CRACD: variants seen among roughly 807,000 people sequenced by gnomAD.
CRACD encodes the protein capping protein-inhibiting regulator of actin dynamics.
CRACD carries 56 observed loss-of-function variants against 106.8 expected under a neutral mutation model. The observed-to-expected ratio is 0.52, with a 90% CI of 0.42 to 0.66. CRACD has a LOEUF of 0.66. Among genes scored for constraint, CRACD ranks in the 30% least tolerant of loss-of-function variants. The pLI is 0.00. For synonymous variants in CRACD, 754 were observed against 670.8 expected (o/e 1.12, Z -1.92); for missense variants, 1,730 against 1,623.2 (o/e 1.07, Z -1.13).
intron 1 of CRACD, among the ~76,000 whole-genome samples, chr4:56,082,334 A>G (rs77101873): frequency 0.017 from 2,603 of 152,266 alleles, 72 homozygotes; most frequent in African/African-American, 0.06. Flanking sequence ...TGAGGACCAG[A>G]TTGTATAGGA....
In CRACD at chr4:56,112,405, C is replaced by T. The variant is rs1157493183; in HGVS notation, c.-336+63106C>T. Among the ~76,000 whole-genome samples the T allele has an allele frequency of 5.3e-5, 8 of 152,038 alleles. No individual in the cohort carries two copies. The South Asian group carries it at 6.2e-4, about 12-fold the overall frequency. On this transcript the variant is annotated intron_variant, in intron 1 of 10. Coordinates refer to ENST00000682029, the MANE Select transcript of CRACD (RefSeq NM_001393381.1). ...AGAAAGGTGGGACATCTCTAAGCAG[C>T]GGGAGAGAGGTGGAAACCCCCAGAT...
intron 1 of CRACD, among the ~76,000 whole-genome samples, chr4:56,171,955 A>G (rs901035858): frequency 6.6e-6 from 1 of 150,776 alleles, no homozygotes; most frequent in Non-Finnish European, 1.5e-5. Flanking sequence ...TGGGGAAGGC[A>G]GGAGATGGAG....
chr4:56,319,091 G>A (rs1346531090), intron 8 of CRACD, among the ~76,000 whole-genome samples: 1 of 152,030 alleles, frequency 6.6e-6, no homozygotes, highest in Non-Finnish European at 1.5e-5. Flanking sequence ...TATTGTGGAA[G>A]GGATCATTTA....
At chr4:56,309,989 A>G (rs1745026298) in intron 5 of CRACD, among the ~76,000 whole-genome samples, 3 of 150,640 alleles carry the variant, frequency 2.0e-5, no homozygotes, top group Admixed American at 2.0e-4. Flanking sequence ...GCTGTACTCC[A>G]GCCTGGGAGA....
At chr4:56,235,395 T>C (rs2109546190) in intron 2 of CRACD, among the ~76,000 whole-genome samples, 1 of 152,318 alleles carries the variant, frequency 6.6e-6, no homozygotes, top group East Asian at 1.9e-4. Context: ...TTTATTTCCT[T>C]GGGGAAACAA....
At chr4:56,121,534 C>T (rs192494512) in intron 1 of CRACD, among the ~76,000 whole-genome samples, 8 of 152,198 alleles carry the variant, frequency 5.3e-5, no homozygotes, top group Admixed American at 4.6e-4. Context: ...ATCCCAGCTA[C>T]TCTAGAGGCT....
At chr4:56,083,902 G>A (rs566495918) in intron 1 of CRACD, among the ~76,000 whole-genome samples, 17 of 152,172 alleles carry the variant, frequency 1.1e-4, no homozygotes, top group Non-Finnish European at 2.2e-4. Context: ...ACCTGAGGCC[G>A]GGAGGTCTAG....
intron 1 of CRACD, among the ~76,000 whole-genome samples, chr4:56,122,966 A>C (rs1371533547): frequency 1.3e-5 from 2 of 152,236 alleles, no homozygotes; most frequent in African/African-American, 4.8e-5. Flanking sequence ...TGTTTCCTCA[A>C]ACTGTTATGA....
chr4:56,186,372 G>A (rs997929556), intron 2 of CRACD, among the ~76,000 whole-genome samples: 5 of 152,158 alleles, frequency 3.3e-5, no homozygotes, highest in Non-Finnish European at 7.3e-5. Flanking sequence ...CAGGACAAAC[G>A]ATGACTTGTC....
At chr4:56,197,721 C>CA (rs751033147) in intron 2 of CRACD, among the ~76,000 whole-genome samples, 50 of 151,890 alleles carry the variant, frequency 3.3e-4, no homozygotes, top group Non-Finnish European at 6.9e-4. Flanking sequence ...CTCTGTTGCC[C>CA]CGCTGGAGTG....
intron 2 of CRACD, among the ~76,000 whole-genome samples, chr4:56,181,774 T>C (rs1736831165): frequency 1.3e-5 from 2 of 152,180 alleles, no homozygotes; most frequent in Admixed American, 1.3e-4. Context: ...ATTCTCACTG[T>C]GTGTCTGTGT....
At chr4:56,175,307 TC>T (rs1310547529) in intron 1 of CRACD, among the ~76,000 whole-genome samples, 3 of 152,220 alleles carry the variant, frequency 2.0e-5, no homozygotes, top group African/African-American at 7.2e-5. Context: ...ACAAACATTC[TC>T]CTTTCTCTGC....
rs148217624 is a variant in CRACD, at chr4:56,108,196, C to T, written c.-336+58897C>T. On this transcript the variant is annotated intron_variant, in intron 1 of 10. Transcript: ENST00000682029. Reference sequence around the variant, plus strand: ...ACAAAGGGAGAAAATACGGAAAATACTATTTTTACAGTTGAGAAACATGGC... The same window carrying T: ...ACAAAGGGAGAAAATACGGAAAATATTATTTTTACAGTTGAGAAACATGGC... Among the ~76,000 whole-genome samples, 553 of 152,238 alleles carry T rather than the reference C, an allele frequency of 3.6e-3. 1 individual carries two copies. Among genetic ancestry groups the T allele is most frequent in the Non-Finnish European group, 5.7e-3 (391 of 68,020 alleles).
chr4:56,069,525 T>C (rs1341681839), intron 1 of CRACD, among the ~76,000 whole-genome samples: 3 of 152,222 alleles, frequency 2.0e-5, no homozygotes, highest in East Asian at 1.9e-4. Context: ...CTGGCAGTTA[T>C]CTGGTGGAAA....
rs939545252 is a variant in CRACD at position 56,330,407 on chromosome 4, CGTTTA to C, written c.*2609_*2613del. ...TAGTATGTATTGTCTCTTCTTGTGA[CGTTTA>C]GTTTAATTGCTTATTTTAAAGCAGA... On this transcript the variant is annotated 3_prime_UTR_variant, in exon 11 of 11. Coordinates refer to ENST00000682029, the MANE Select transcript of CRACD (RefSeq NM_001393381.1). Among the ~76,000 whole-genome samples, 2 of 151,824 alleles carry C rather than the reference CGTTTA, an allele frequency of 1.3e-5. No individual in the cohort carries two copies. Among genetic ancestry groups the C allele is most frequent in the Non-Finnish European group, 2.9e-5 (2 of 67,980 alleles).
chr4:56,315,579 C>A lies in CRACD; in HGVS notation c.2077C>A (p.Pro693Thr), dbSNP rs1745565574. 1.2e-6 allele frequency: 2 copies of A among 1,614,176 alleles called. No individual in the cohort carries two copies. The highest frequency in any genetic ancestry group is 1.6e-4 in the Middle Eastern group (1 of 6,062). Residue 693 changes from proline to threonine, a missense_variant, in exon 8 of 11, where the codon CCC becomes ACC. Physicochemically the swap from Pro to Thr is conservative, Grantham distance 38. Coordinates refer to ENST00000682029, the MANE Select transcript of CRACD (RefSeq NM_001393381.1). This position sits in a 1 kb window ranked among gnomAD's most constrained non-coding sequence, Gnocchi z 4.1. ...CAGCAGCGAGAGGGACCAGTTGAGG[C>A]CCGGTGATGAGTCCACTCCCAGGGG... ...PRSSERDQLR[P>T]GDESTPRGRC...
At chr4:56,226,329 T>C (rs1365589879) in intron 2 of CRACD, among the ~76,000 whole-genome samples, 1 of 152,166 alleles carries the variant, frequency 6.6e-6, no homozygotes, top group Non-Finnish European at 1.5e-5. Context: ...TGGTGGTTGA[T>C]TTAGATCACC....
intron 2 of CRACD, among the ~76,000 whole-genome samples, chr4:56,207,562 G>T (rs543113759): frequency 6.6e-6 from 1 of 151,824 alleles, no homozygotes; most frequent in African/African-American, 2.4e-5. Context: ...AAGGCATAAG[G>T]TTGTCCATGT....
intron 5 of CRACD, 104 bp from the exon 6 acceptor site, chr4:56,310,562 G>A (rs1745080602): frequency 5.0e-6 from 4 of 805,590 alleles, no homozygotes; most frequent in South Asian, 4.4e-5. Flanking sequence ...CTGCACCCCT[G>A]TGTAGAGGAG....
Sources: allele counts gnomAD v4.1 joint callset (sites outside exome capture counted in the v4.1 genomes callset), GRCh38; gene constraint gnomAD v4.1.1; non-coding constraint Gnocchi (gnomAD v3.1); transcripts MANE v1.5; gene names NCBI Gene and HGNC (gene_info 2026-07-23, HGNC 2026-07-21).